Variants in PLPP1 observed in about 807,000 individuals in gnomAD.
PLPP1 encodes the protein phospholipid phosphatase 1.
A neutral mutation model predicts 31.2 loss-of-function variants in PLPP1; 24 were observed. That is an observed-to-expected ratio of 0.77 (90% CI 0.56 to 1.08). PLPP1 has a LOEUF of 1.08. Among genes scored for constraint, PLPP1 ranks in the 50% least tolerant of loss-of-function variants. The probability of loss-of-function intolerance (pLI) is 0.00; values close to 1 mark genes in which losing one functional copy is unlikely to be tolerated. For synonymous variants in PLPP1, 146 were observed against 126.3 expected, an observed-to-expected ratio of 1.16 and a Z score of -1.05; for missense variants, 319 against 342.7, an observed-to-expected ratio of 0.93 and a Z score of 0.55.
intron 4 of PLPP1, among the ~76,000 whole-genome samples, chr5:55,438,151 A>G (rs970456988): frequency 1.3e-5 from 2 of 152,022 alleles, no homozygotes; most frequent in African/African-American, 4.8e-5. Context: ...GTATTTTAAC[A>G]CTCCTCACTG....
At chr5:55,500,337 C>T (rs1373904753) in intron 1 of PLPP1, among the ~76,000 whole-genome samples, 3 of 152,042 alleles carry the variant, frequency 2.0e-5, no homozygotes, top group African/African-American at 7.2e-5. Context: ...CCTCAGCCTC[C>T]CAAAGTCTTG....
At chr5:55,511,309 C>T (rs1320651639) in intron 1 of PLPP1, among the ~76,000 whole-genome samples, 2 of 152,144 alleles carry the variant, frequency 1.3e-5, no homozygotes, top group Admixed American at 6.5e-5. Context: ...ACGTTGTACA[C>T]AGCATAATAG....
intron 3 of PLPP1, among the ~76,000 whole-genome samples, chr5:55,447,681 G>A (rs1751797896): frequency 6.6e-6 from 1 of 152,188 alleles, no homozygotes; most frequent in South Asian, 2.1e-4. Flanking sequence ...CTTTAATCCT[G>A]CCATCTCCAG....
At chr5:55,511,188 C>A (rs1311540238) in intron 1 of PLPP1, among the ~76,000 whole-genome samples, 1 of 152,140 alleles carries the variant, frequency 6.6e-6, no homozygotes, top group African/African-American at 2.4e-5. Flanking sequence ...CTGATCTGAT[C>A]TTGTTGTTAA....
chr5:55,450,579 G>A (rs145003559), intron 3 of PLPP1, among the ~76,000 whole-genome samples: 1 of 152,174 alleles, frequency 6.6e-6, no homozygotes, highest in East Asian at 1.9e-4. Flanking sequence ...GAGGAGAGAT[G>A]AGGCTGTGAC....
Position 55,457,164 on chromosome 5 carries a change from C to CA in PLPP1, c.491+10704dup, listed in dbSNP as rs78123061. Reference sequence around the variant, plus strand: ...GACAGAGTGAGACTCCGTCTCAGACCAAAAAAAAAAAAAAAGCTATAAATA... The same window carrying CA: ...GACAGAGTGAGACTCCGTCTCAGACCAAAAAAAAAAAAAAAAGCTATAAATA... On this transcript the variant is annotated intron_variant, in intron 3 of 5. Transcript: ENST00000307259. 2.5e-3 allele frequency among the ~76,000 whole-genome samples: 258 copies of CA among 103,070 alleles called. 2 individuals are homozygous for CA. Among genetic ancestry groups the CA allele is most frequent in the East Asian group, 6.2e-3 (23 of 3,704 alleles). The allele number at this position is 103,070 out of a possible 152,430, so 67.6% of individuals were successfully genotyped here. A position where few individuals can be genotyped will look rare whatever the true frequency, so the allele number is the denominator to read the frequency against.
At chr5:55,456,301 A>G (rs765582088) in intron 3 of PLPP1, among the ~76,000 whole-genome samples, 41 of 152,190 alleles carry the variant, frequency 2.7e-4, no homozygotes, top group South Asian at 1.2e-3. Context: ...TGCTACGTGC[A>G]AGAGAGAGAA....
At chr5:55,512,507 A>G (rs865914769) in intron 1 of PLPP1, among the ~76,000 whole-genome samples, 224 of 13,636 alleles carry the variant, frequency 0.016, 13 homozygotes, top group African/African-American at 0.033. Context: ...AAAAGAAAAG[A>G]AAAGAAAAGA....
At chr5:55,432,033 C>T (rs1468546567) in intron 4 of PLPP1, among the ~76,000 whole-genome samples, 2 of 151,942 alleles carry the variant, frequency 1.3e-5, no homozygotes, top group African/African-American at 4.8e-5. Context: ...GTGATCCTCC[C>T]GTCTCAGTCT....
intron 1 of PLPP1, among the ~76,000 whole-genome samples, chr5:55,506,825 A>G (rs1753289627): frequency 1.3e-5 from 2 of 152,084 alleles, no homozygotes; most frequent in Admixed American, 1.3e-4. Context: ...TTCTCCTTTT[A>G]GTAGTCAAAG....
chr5:55,444,534 C>CA (rs1751706717), intron 3 of PLPP1, among the ~76,000 whole-genome samples: 1 of 152,134 alleles, frequency 6.6e-6, no homozygotes, highest in Non-Finnish European at 1.5e-5. Flanking sequence ...CTGATGAAGG[C>CA]AAGTACAGTA....
rs1407286508 is a variant in PLPP1 at position 55,504,358 on chromosome 5, A to G, written c.59-28908T>C. The stretch of plus-strand genomic sequence containing the variant: ...CCAGCCTGGGCGACAGAGACTCTGT[A>G]TCAAAAAAAAAAAAAAAGCCAGGGA... On this transcript the variant is annotated intron_variant, in intron 1 of 5. Transcript: ENST00000307259. Among the ~76,000 whole-genome samples the G allele has an allele frequency of 8.4e-5, 4 of 47,836 alleles. No individual in the cohort carries two copies. The Admixed American group carries it at 1.3e-3, about 16-fold the overall frequency. The allele number at this position is 47,836 out of a possible 152,430, so 31.4% of individuals were successfully genotyped here.
intron 1 of PLPP1, among the ~76,000 whole-genome samples, chr5:55,476,992 A>G (rs1043295475): frequency 1.3e-5 from 2 of 151,958 alleles, no homozygotes; most frequent in African/African-American, 4.8e-5. Context: ...TTAAGATGCT[A>G]CAAGGTTCCC....
chr5:55,500,204 C>G (rs555325206), intron 1 of PLPP1, among the ~76,000 whole-genome samples: 3 of 151,694 alleles, frequency 2.0e-5, no homozygotes, highest in African/African-American at 7.3e-5. Context: ...CTCAGCCTCC[C>G]GAGTAGCTGG....
intron 1 of PLPP1, among the ~76,000 whole-genome samples, chr5:55,528,090 CAGGT>C (rs1433671234): frequency 1.3e-5 from 2 of 152,130 alleles, no homozygotes; most frequent in Non-Finnish European, 2.9e-5. Context: ...CAGCAAAACA[CAGGT>C]ATAAGGAATC....
rs1316211694 is a variant in PLPP1, at chr5:55,534,655, G to A, written c.-26C>T. 6.5e-7 allele frequency: 1 copy of A among 1,535,604 alleles called. No individual in the cohort carries two copies. The highest frequency in any genetic ancestry group is 2.6e-5 in the East Asian group (1 of 38,658). Reference sequence around the variant, plus strand: ...GGTCTCTGCCCGGGCTGCCCGGCAAGGGCGATGGACTGAGCTGCGGGACGG... The same window carrying A: ...GGTCTCTGCCCGGGCTGCCCGGCAAAGGCGATGGACTGAGCTGCGGGACGG... On this transcript the variant is annotated 5_prime_UTR_variant, in exon 1 of 6. Coordinates refer to ENST00000307259, the MANE Select transcript of PLPP1 (RefSeq NM_003711.4).
chr5:55,499,286 CT>C (rs1187717685), intron 1 of PLPP1, among the ~76,000 whole-genome samples: 1 of 152,288 alleles, frequency 6.6e-6, no homozygotes, highest in Admixed American at 6.5e-5. Context: ...CATATCCATC[CT>C]CCACATCCTC....
chr5:55,513,100 CAAT>C lies in PLPP1; in HGVS notation c.58+21469_58+21471del, dbSNP rs199738438. ...TAACTTATTTCTCTCTTTGAACCAA[CAAT>C]GAGATTTCTAGTCTTAGCAATTCTA... On this transcript the variant is annotated intron_variant, in intron 1 of 5. Coordinates refer to ENST00000307259, the MANE Select transcript of PLPP1 (RefSeq NM_003711.4). Among the ~76,000 whole-genome samples, 504 of 152,246 alleles carry C rather than the reference CAAT, an allele frequency of 3.3e-3. 2 individuals carry two copies. The highest frequency in any genetic ancestry group is 0.011 in the African/African-American group (463 of 41,546).
At chr5:55,459,878 T>G (rs1240581540) in intron 3 of PLPP1, among the ~76,000 whole-genome samples, 1 of 152,198 alleles carries the variant, frequency 6.6e-6, no homozygotes, top group Non-Finnish European at 1.5e-5. Context: ...GCCTACTCAG[T>G]GAAGAAAATG....
Sources: allele counts gnomAD v4.1 joint callset (sites outside exome capture counted in the v4.1 genomes callset), GRCh38; gene constraint gnomAD v4.1.1; transcripts MANE v1.5; gene names NCBI Gene and HGNC (gene_info 2026-07-23, HGNC 2026-07-21).